RNF180: variants seen among roughly 807,000 people sequenced by gnomAD.
RNF180 encodes E3 ubiquitin-protein ligase RNF180.
A neutral mutation model predicts 59.2 loss-of-function variants in RNF180; 38 were observed. The ratio of observed to expected loss-of-function variants is 0.64; its 90% CI spans 0.50 to 0.84. The LOEUF (loss-of-function observed/expected upper bound fraction) is 0.84, where lower values mean the gene tolerates loss of function less well. RNF180 is among the 40% of genes least tolerant of loss of function. The pLI, the probability that RNF180 is intolerant of heterozygous loss-of-function variation, is 0.00. For missense variants in RNF180, 705 were observed against 700.9 expected (o/e 1.01, Z -0.07); for synonymous variants, 262 against 240.3 (o/e 1.09, Z -0.84).
intron 6 of RNF180, among the ~76,000 whole-genome samples, chr5:64,328,295 G>A (rs1166067286): frequency 6.6e-6 from 1 of 152,102 alleles, no homozygotes; most frequent in Non-Finnish European, 1.5e-5. Flanking sequence ...TACTGTAAAT[G>A]AATATGTTAT....
At position 64,200,872 on chromosome 5, in the gene RNF180, G is replaced by T. The variant is rs1367308540; in HGVS notation, c.65G>T (p.Cys22Phe). 4 of 1,612,160 alleles carry T rather than the reference G, an allele frequency of 2.5e-6. No individual in the cohort carries two copies. Among genetic ancestry groups the T allele is most frequent in the Non-Finnish European group, 3.4e-6 (4 of 1,178,282 alleles). Residue 22 changes from cysteine (C) to phenylalanine (F), a missense_variant, in exon 2 of 8, where the codon TGT (cysteine) becomes TTT (phenylalanine). Physicochemically the swap from Cys to Phe is radical, Grantham distance 205. Coordinates refer to ENST00000389100, the MANE Select transcript of RNF180 (RefSeq NM_001113561.2). The part of the protein sequence containing the change: ...HSQEETSILR[C>F]WKCRKCIASS... ...CAAGAGGAAACAAGTATTCTTCGTT[G>T]TTGGAAATGTAGAAAATGTATAGCA...
intron 5 of RNF180, among the ~76,000 whole-genome samples, chr5:64,293,130 C>G (rs998929616): frequency 3.9e-5 from 6 of 152,212 alleles, no homozygotes; most frequent in African/African-American, 9.6e-5. Context: ...AGCTCCTGAT[C>G]TGTGGGTTGC....
intron 1 of RNF180, among the ~76,000 whole-genome samples, chr5:64,178,690 T>C (rs559675699): frequency 6.6e-6 from 1 of 152,206 alleles, no homozygotes; most frequent in Non-Finnish European, 1.5e-5. Flanking sequence ...AAATGTGTCT[T>C]CTTAATTTAT....
chr5:64,312,352 A>T lies in RNF180; in HGVS notation c.1228-12834A>T, dbSNP rs192980626. Among the ~76,000 whole-genome samples, 8 of 152,200 alleles carry T rather than the reference A, an allele frequency of 5.3e-5. No individual in the cohort carries two copies. The East Asian group carries it at 1.5e-3, about 29-fold the overall frequency. On this transcript the variant is annotated intron_variant, in intron 5 of 7. Coordinates refer to ENST00000389100, the MANE Select transcript of RNF180 (RefSeq NM_001113561.2). The stretch of plus-strand genomic sequence containing the variant: ...TTTCATGGTTTCTTAGCACCCTCTT[A>T]TTCTCCTCCATTAGCCTAAAAGTTC...
At chr5:64,200,302 A>T (rs941476443) in intron 1 of RNF180, among the ~76,000 whole-genome samples, 2 of 152,108 alleles carry the variant, frequency 1.3e-5, no homozygotes, top group Non-Finnish European at 2.9e-5. Flanking sequence ...AAAAATAAAA[A>T]ATATTAGCCA....
intron 5 of RNF180, among the ~76,000 whole-genome samples, chr5:64,251,082 A>G (rs1399695864): frequency 2.0e-5 from 3 of 152,230 alleles, no homozygotes; most frequent in African/African-American, 7.2e-5. Context: ...GTGATACATC[A>G]TGTTAACAGA....
intron 7 of RNF180, among the ~76,000 whole-genome samples, chr5:64,339,784 C>T (rs1470069238): frequency 1.3e-5 from 2 of 152,000 alleles, no homozygotes; most frequent in Non-Finnish European, 2.9e-5. Context: ...TGAACTCAGG[C>T]ATAAAACTAG....
At chr5:64,368,791 A>G (rs959419948) in intron 7 of RNF180, among the ~76,000 whole-genome samples, 19 of 152,150 alleles carry the variant, frequency 1.2e-4, no homozygotes, top group Admixed American at 6.6e-4. Context: ...AATGGCAGTC[A>G]TTAAAAAGTC....
chr5:64,356,848 T>C (rs1328820751), intron 7 of RNF180, among the ~76,000 whole-genome samples: 1 of 151,808 alleles, frequency 6.6e-6, no homozygotes. Context: ...AGTTATTGCT[T>C]AATGGCTACA....
chr5:64,322,523 G>A lies in RNF180; in HGVS notation c.1228-2663G>A, dbSNP rs185174460. The stretch of plus-strand genomic sequence containing the variant: ...ATGCTGGTGGGGCTGTGGAGAAATA[G>A]GAATGCTTTTACACTGTTGGTGTAT... On this transcript the variant is annotated intron_variant, in intron 5 of 7. Transcript: ENST00000389100. Among the ~76,000 whole-genome samples, 95 of 151,692 alleles carry A rather than the reference G, an allele frequency of 6.3e-4. 1 individual carries two copies. The highest frequency in any genetic ancestry group is 1.5e-4 in the Non-Finnish European group (10 of 67,914).
chr5:64,335,878 A>C (rs1259926448), intron 7 of RNF180, among the ~76,000 whole-genome samples: 1 of 152,178 alleles, frequency 6.6e-6, no homozygotes, highest in Admixed American at 6.5e-5. Flanking sequence ...TTAGAGTAAA[A>C]GTACTTCTAT....
At chr5:64,302,811 C>T (rs12187045) in intron 5 of RNF180, among the ~76,000 whole-genome samples, 2 of 151,576 alleles carry the variant, frequency 1.3e-5, no homozygotes, top group Non-Finnish European at 3.0e-5. Flanking sequence ...TACACTTAAT[C>T]TAGAAAGAAC....
At chr5:64,330,164 T>A in intron 6 of RNF180, 117 bp from the exon 7 acceptor site, 1 of 722,940 alleles carries the variant, frequency 1.4e-6, no homozygotes, top group East Asian at 2.9e-5. Flanking sequence ...CTTCACTGAC[T>A]TAAAGAGGTG....
At chr5:64,282,546 G>A (rs957562013) in intron 5 of RNF180, among the ~76,000 whole-genome samples, 2 of 152,000 alleles carry the variant, frequency 1.3e-5, no homozygotes, top group African/African-American at 4.8e-5. Context: ...ATTCAGTTCA[G>A]CTCTGATTTT....
chr5:64,358,345 C>T (rs1188055879), intron 7 of RNF180, among the ~76,000 whole-genome samples: 30 of 151,934 alleles, frequency 2.0e-4, no homozygotes, highest in Admixed American at 6.6e-5. Flanking sequence ...CCATGGCCTT[C>T]GTAACTTCCA....
At chr5:64,199,567 T>C (rs1004624559) in intron 1 of RNF180, among the ~76,000 whole-genome samples, 1 of 152,202 alleles carries the variant, frequency 6.6e-6, no homozygotes, top group African/African-American at 2.4e-5. Context: ...TGAGCACCTC[T>C]GAGACAGAAA....
chr5:64,194,081 G>A (rs1751319670), intron 1 of RNF180, among the ~76,000 whole-genome samples: 1 of 152,008 alleles, frequency 6.6e-6, no homozygotes, highest in African/African-American at 2.4e-5. Context: ...GTATACATGT[G>A]CCATGTTGGT....
intron 5 of RNF180, among the ~76,000 whole-genome samples, chr5:64,270,552 C>G (rs1218659780): frequency 1.3e-5 from 2 of 152,052 alleles, no homozygotes; most frequent in Non-Finnish European, 2.9e-5. Flanking sequence ...ATTCTTACAA[C>G]AGTTCTGTGA....
At chr5:64,249,846 G>T (rs1281051140) in intron 5 of RNF180, among the ~76,000 whole-genome samples, 1 of 152,118 alleles carries the variant, frequency 6.6e-6, no homozygotes, top group East Asian at 1.9e-4. Context: ...CAGATCAAGT[G>T]GGAGAGATGA....
Sources: allele counts gnomAD v4.1 joint callset (sites outside exome capture counted in the v4.1 genomes callset), GRCh38; gene constraint gnomAD v4.1.1; transcripts MANE v1.5; gene names NCBI Gene and HGNC (gene_info 2026-07-23, HGNC 2026-07-21).